RALYL: variants seen among roughly 807,000 people sequenced by gnomAD.
The protein encoded by RALYL is RNA-binding Raly-like protein.
RALYL carries 29 observed loss-of-function variants against 35.1 expected under a neutral mutation model. That is an observed-to-expected ratio of 0.83 (90% CI 0.61 to 1.13). The LOEUF is 1.13. RALYL is among the 50% of genes most tolerant of loss of function. The pLI is 0.00. For missense variants in RALYL, 359 were observed against 360.4 expected, an observed-to-expected ratio of 1.00 and a Z score of 0.03; for synonymous variants, 120 against 127.6, an observed-to-expected ratio of 0.94 and a Z score of 0.40.
chr8:84,255,605 CA>C (rs371987456), intron 1 of RALYL, among the ~76,000 whole-genome samples: 75 of 152,192 alleles, frequency 4.9e-4, no homozygotes, highest in African/African-American at 1.7e-3. Context: ...AAGAGTCTGA[CA>C]TTTTTTTTAA....
chr8:84,443,755 G>C (rs770042037), intron 1 of RALYL, among the ~76,000 whole-genome samples: 1 of 152,008 alleles, frequency 6.6e-6, no homozygotes, highest in African/African-American at 2.4e-5. Flanking sequence ...CTTGATGCAC[G>C]TACCCCCTGT....
intron 2 of RALYL, among the ~76,000 whole-genome samples, chr8:84,745,350 C>T (rs1808362420): frequency 6.6e-6 from 1 of 151,914 alleles, no homozygotes; most frequent in African/African-American, 2.4e-5. Flanking sequence ...TATTAAGATC[C>T]TATTTTTTAA....
chr8:84,516,043 T>G (rs2058039170), intron 1 of RALYL, among the ~76,000 whole-genome samples: 2 of 144,948 alleles, frequency 1.4e-5, no homozygotes, highest in African/African-American at 5.2e-5. Context: ...GGGGTGGGGC[T>G]GAGAGTGGGA....
chr8:84,315,702 A>G (rs930710378), intron 1 of RALYL, among the ~76,000 whole-genome samples: 1 of 152,102 alleles, frequency 6.6e-6, no homozygotes, highest in African/African-American at 2.4e-5. Flanking sequence ...GAATTCATGT[A>G]GCCTTTACAA....
At chr8:84,460,141 G>T (rs2050589271) in intron 1 of RALYL, among the ~76,000 whole-genome samples, 1 of 151,712 alleles carries the variant, frequency 6.6e-6, no homozygotes, top group East Asian at 1.9e-4. Flanking sequence ...ATCTTGAAAG[G>T]ATAAAATGGT....
chr8:84,553,155 C>T (rs955592692), intron 2 of RALYL, among the ~76,000 whole-genome samples: 1 of 152,078 alleles, frequency 6.6e-6, no homozygotes, highest in Non-Finnish European at 1.5e-5. Context: ...ACTTCTTTCA[C>T]TTCTTTTTCT....
chr8:84,828,187 TATG>T (rs1046258135), intron 4 of RALYL, among the ~76,000 whole-genome samples: 5 of 152,140 alleles, frequency 3.3e-5, no homozygotes, highest in South Asian at 2.1e-4. Context: ...ATTTTATGCA[TATG>T]ATAAGAAACA....
chr8:84,396,503 G>A (rs73300787), intron 1 of RALYL, among the ~76,000 whole-genome samples: 4,307 of 152,066 alleles, frequency 0.028, 198 homozygotes, highest in African/African-American at 0.098. Flanking sequence ...AAGAACCCTT[G>A]TTCATGTTCC....
chr8:84,815,364 T>G (rs1421450934), intron 4 of RALYL, among the ~76,000 whole-genome samples: 1 of 148,594 alleles, frequency 6.7e-6, no homozygotes, highest in African/African-American at 2.4e-5. Flanking sequence ...TTTTTAAATA[T>G]TAATATTTTC....
chr8:84,672,440 G>A (rs1290985408), intron 2 of RALYL, among the ~76,000 whole-genome samples: 2 of 152,076 alleles, frequency 1.3e-5, no homozygotes, highest in Non-Finnish European at 2.9e-5. Context: ...TCCAACCTCT[G>A]CCTGTTACCC....
intron 1 of RALYL, among the ~76,000 whole-genome samples, chr8:84,436,465 A>T (rs759297641): frequency 4.6e-4 from 69 of 151,098 alleles, no homozygotes; most frequent in Admixed American, 1.3e-3. Flanking sequence ...TCACATTATC[A>T]TGTCTTTAAA....
At chr8:84,807,500 A>G (rs1824926976) in intron 4 of RALYL, among the ~76,000 whole-genome samples, 1 of 152,204 alleles carries the variant, frequency 6.6e-6, no homozygotes, top group African/African-American at 2.4e-5. Flanking sequence ...TCTTTTTCAT[A>G]TAATGACTTC....
At chr8:84,427,244 T>C (rs2046593712) in intron 1 of RALYL, among the ~76,000 whole-genome samples, 1 of 152,164 alleles carries the variant, frequency 6.6e-6, no homozygotes, top group Admixed American at 6.5e-5. Context: ...GCTATGGCAA[T>C]AGCTTCCCTA....
intron 1 of RALYL, among the ~76,000 whole-genome samples, chr8:84,443,320 A>G (rs138411669): frequency 1.3e-5 from 2 of 152,236 alleles, no homozygotes; most frequent in African/African-American, 4.8e-5. Flanking sequence ...GGATTAGGGA[A>G]TCATTGACCC....
chr8:84,846,162 T>A (rs1292789766), intron 4 of RALYL, among the ~76,000 whole-genome samples: 1 of 152,226 alleles, frequency 6.6e-6, no homozygotes, highest in African/African-American at 2.4e-5. Flanking sequence ...CAATAGTTTC[T>A]TCCAGTTCTT....
intron 1 of RALYL, among the ~76,000 whole-genome samples, chr8:84,412,261 T>C (rs1435477365): frequency 6.6e-6 from 1 of 151,974 alleles, no homozygotes; most frequent in African/African-American, 2.4e-5. Context: ...AGAGGGGATG[T>C]TATCAAATTT....
chr8:84,790,806 G>A (rs146373314), intron 3 of RALYL, among the ~76,000 whole-genome samples: 171 of 152,214 alleles, frequency 1.1e-3, no homozygotes, highest in Non-Finnish European at 2.1e-3. Context: ...CAGAAGTAGC[G>A]GATTGGTTAC....
chr8:84,193,230 G>T (rs914018723), intron 1 of RALYL, among the ~76,000 whole-genome samples: 19 of 152,080 alleles, frequency 1.2e-4, no homozygotes, highest in Non-Finnish European at 2.2e-4. Flanking sequence ...TTGAAGGAAG[G>T]ATATTTTTAA....
At chr8:84,785,734 A>C (rs1202892364) in intron 3 of RALYL, among the ~76,000 whole-genome samples, 1 of 152,190 alleles carries the variant, frequency 6.6e-6, no homozygotes, top group Non-Finnish European at 1.5e-5. Flanking sequence ...ATCCAACCAA[A>C]ATATTAAGCA....
Sources: gnomAD v4.1 joint callset for allele counts (sites outside exome capture counted in the v4.1 genomes callset) on GRCh38, gnomAD v4.1.1 for gene constraint, MANE v1.5 for transcripts, NCBI Gene and HGNC (gene_info 2026-07-23, HGNC 2026-07-21) for gene names.